UAP1: variants seen among roughly 807,000 people sequenced by gnomAD.
UAP1 encodes the protein UDP-N-acetylglucosamine pyrophosphorylase 1, also known as UDP-N-acetylhexosamine pyrophosphorylase.
In UAP1, 25 loss-of-function variants were observed where a neutral mutation model predicts 58.5. The observed-to-expected ratio is 0.43, with a 90% CI of 0.31 to 0.60. The LOEUF (loss-of-function observed/expected upper bound fraction) is 0.60. Among genes scored for constraint, UAP1 ranks in the 20% least tolerant of loss-of-function variants. The probability of loss-of-function intolerance (pLI) is 0.11; values close to 1 mark genes in which losing one functional copy is unlikely to be tolerated. For synonymous variants in UAP1, 208 were observed against 213.0 expected (o/e 0.98, Z 0.21); for missense variants, 575 against 630.0 (o/e 0.91, Z 0.93).
intron 2 of UAP1, among the ~76,000 whole-genome samples, chr1:162,574,424 T>C (rs1198255014): frequency 6.6e-6 from 1 of 152,200 alleles, no homozygotes; most frequent in African/African-American, 2.4e-5. Context: ...GTTGACCTAC[T>C]AGTGTATTAG....
intron 9 of UAP1, among the ~76,000 whole-genome samples, chr1:162,594,356 T>G (rs1042515083): frequency 6.6e-6 from 1 of 152,174 alleles, no homozygotes; most frequent in Admixed American, 6.6e-5. Flanking sequence ...GCCACTGATC[T>G]GACAGGAGGT....
chr1:162,591,000 TG>T (rs1655276606), intron 8 of UAP1, among the ~76,000 whole-genome samples: 1 of 151,448 alleles, frequency 6.6e-6, no homozygotes, highest in African/African-American at 2.4e-5. Flanking sequence ...CTCAGCTCAC[TG>T]CAGCCTCCAC....
chr1:162,586,933 G>T (rs145187142), intron 5 of UAP1, among the ~76,000 whole-genome samples: 1 of 152,226 alleles, frequency 6.6e-6, no homozygotes, highest in Admixed American at 6.5e-5. Flanking sequence ...TGACCTGCCT[G>T]CTCTAAACCC....
At chr1:162,574,650 A>G (rs1411468303) in intron 2 of UAP1, among the ~76,000 whole-genome samples, 1 of 152,202 alleles carries the variant, frequency 6.6e-6, no homozygotes, top group Admixed American at 6.5e-5. Flanking sequence ...GAAACTGTTT[A>G]CCATGGTTTT....
At chr1:162,589,164 A>T (rs1409146313) in intron 7 of UAP1, among the ~76,000 whole-genome samples, 1,150 of 100,738 alleles carry the variant, frequency 0.011, 30 homozygotes, top group African/African-American at 0.045. Context: ...TATTATATAT[A>T]ATATATAAAT....
rs150590302 is a variant in UAP1, at chr1:162,587,568, G to C, written c.928G>C (p.Ala310Pro). The stretch of plus-strand genomic sequence containing the variant: ...GGTAGAATATAGTGAGATTTCCCTG[G>C]CAACAGCTCAAAAACGAAGCTCAGA... The change falls in exon 6 of 11, where the codon GCA (alanine) becomes CCA (proline). Residue 310 changes from alanine (A) to proline (P), a missense_variant. Coordinates refer to ENST00000271469, the Ensembl canonical transcript of UAP1. The C allele has an allele frequency of 8.4e-5, 136 of 1,614,112 alleles. No homozygotes were observed. The highest frequency in any genetic ancestry group is 1.0e-4 in the Non-Finnish European group (119 of 1,180,004).
rs1039929931 is a variant in UAP1, at chr1:162,566,402, T to A, written c.280+54T>A. 12 of 1,535,736 alleles carry A rather than the reference T, an allele frequency of 7.8e-6. No individual in the cohort carries two copies. In the East Asian group the frequency reaches 2.7e-4, roughly 35 times the overall value. ...AAGTTTATTTGAGATATACTAAAAT[T>A]GTTCAGGTAGCTGGATCATGTCACT... On this transcript the variant is annotated intron_variant, in intron 2 of 10. Transcript: ENST00000271469.
At position 162,570,665 on chromosome 1, in the gene UAP1, T is replaced by C. The variant is rs138827713; in HGVS notation, c.280+4317T>C. ...TTCAGATAGAGATTTTCCTGATTAG[T>C]CTGCTTTTTGTGCTTACTATTTTGG... On this transcript the variant is annotated intron_variant, in intron 2 of 10. Coordinates refer to ENST00000271469, the Ensembl canonical transcript of UAP1. Among the ~76,000 whole-genome samples the C allele has an allele frequency of 3.3e-3, 498 of 152,360 alleles. 4 individuals carry two copies. Among genetic ancestry groups the C allele is most frequent in the African/African-American group, 0.012 (479 of 41,592 alleles).
chr1:162,571,302 T>C (rs1007115519), intron 2 of UAP1, among the ~76,000 whole-genome samples: 2 of 152,046 alleles, frequency 1.3e-5, no homozygotes, highest in Admixed American at 6.6e-5. Flanking sequence ...CCAATTTTTG[T>C]ATTTTTAGTA....
intron 2 of UAP1, among the ~76,000 whole-genome samples, chr1:162,568,577 A>G (rs767515524): frequency 2.0e-5 from 3 of 152,234 alleles, no homozygotes; most frequent in Non-Finnish European, 4.4e-5. Context: ...CTAGCTTTTT[A>G]CTTAGGATAG....
At chr1:162,592,357 C>T (rs1478494398) in intron 8 of UAP1, among the ~76,000 whole-genome samples, 19 of 152,162 alleles carry the variant, frequency 1.2e-4, no homozygotes, top group Admixed American at 1.2e-3. Flanking sequence ...CCACTGCACT[C>T]CGGCCTGGGT....
chr1:162,568,895 C>G (rs1029277576), intron 2 of UAP1, among the ~76,000 whole-genome samples: 1 of 152,160 alleles, frequency 6.6e-6, no homozygotes, highest in Admixed American at 6.5e-5. Context: ...TTTGAGTCTT[C>G]TTTATGTCCT....
At chr1:162,599,128 G>A in intron 10 of UAP1, 143 bp from the exon 11 acceptor site, 1 of 507,080 alleles carries the variant, frequency 2.0e-6, no homozygotes, top group Non-Finnish European at 3.5e-6. Flanking sequence ...ACTCTAAAAT[G>A]TCTATTAAAT....
intron 2 of UAP1, among the ~76,000 whole-genome samples, chr1:162,573,536 G>A (rs1653995471): frequency 6.6e-6 from 1 of 152,118 alleles, no homozygotes; most frequent in Non-Finnish European, 1.5e-5. Flanking sequence ...AAATGCTATG[G>A]AGTTAATGAG....
intron 9 of UAP1, 197 bp downstream of exon 9, chr1:162,592,979 A>C: frequency 1.7e-6 from 1 of 571,482 alleles, no homozygotes; most frequent in Non-Finnish European, 3.2e-6. Context: ...TGCATGCTGG[A>C]AATGGAGAGC....
intron 5 of UAP1, among the ~76,000 whole-genome samples, chr1:162,583,718 C>T (rs1654741977): frequency 2.0e-5 from 3 of 152,138 alleles, no homozygotes; most frequent in African/African-American, 7.2e-5. Context: ...CAACTTCTGC[C>T]TCCAGGCTCA....
At chr1:162,579,777 A>G (rs1654469145) in intron 4 of UAP1, among the ~76,000 whole-genome samples, 174 bp downstream of exon 4, 1 of 152,318 alleles carries the variant, frequency 6.6e-6, no homozygotes, top group Admixed American at 6.5e-5. Context: ...TAATGGATAC[A>G]CTTTTATGCT....
exon 2 of UAP1, chr1:162,566,200 G>A (rs754236102): frequency 6.2e-7 from 1 of 1,614,048 alleles, no homozygotes; most frequent in Non-Finnish European, 8.5e-7. Context: ...ACTTTGAGGA[G>A]CTGAACTTCT....
rs752987749 is a variant in UAP1, at chr1:162,576,844, C to T, written c.348C>T (p.Leu116=). 19 of 1,614,018 alleles carry T rather than the reference C, an allele frequency of 1.2e-5. No individual in the cohort carries two copies. The highest frequency in any genetic ancestry group is 8.8e-5 in the South Asian group (8 of 91,090). The stretch of plus-strand genomic sequence containing the variant: ...TAGCTGGTGGGCAGGGGACAAGACT[C>T]GGCGTTGCATATCCTAAGGGGATGT... Residue 116 remains leucine (L), a synonymous_variant, in exon 3 of 11, where the codon CTC becomes CTT. Transcript: ENST00000271469.
Sources: allele counts gnomAD v4.1 joint callset (sites outside exome capture counted in the v4.1 genomes callset), GRCh38; gene constraint gnomAD v4.1.1; transcripts MANE v1.5; gene names NCBI Gene and HGNC (gene_info 2026-07-23, HGNC 2026-07-21).